Variants in METTL24 observed in about 807,000 individuals in gnomAD.
METTL24 encodes methyltransferase like 24, also known as probable methyltransferase-like protein 24.
Under a neutral mutation model 32.7 loss-of-function variants are expected in METTL24, and 29 were observed. The ratio of observed to expected loss-of-function variants is 0.89; its 90% CI spans 0.66 to 1.21. The LOEUF is 1.21. Among genes scored for constraint, METTL24 ranks in the 50% most tolerant of loss-of-function variants. The pLI is 0.00. For missense variants in METTL24, 439 were observed against 468.1 expected (o/e 0.94, Z 0.57); for synonymous variants, 163 against 179.5 (o/e 0.91, Z 0.73).
At chr6:110,300,696 C>T (rs1003064691) in intron 3 of METTL24, among the ~76,000 whole-genome samples, 1 of 152,146 alleles carries the variant, frequency 6.6e-6, no homozygotes, top group Non-Finnish European at 1.5e-5. Flanking sequence ...ACTGGGATTA[C>T]AGGCATGAGC....
chr6:110,345,873 C>G (rs1385426326), intron 1 of METTL24, among the ~76,000 whole-genome samples: 1 of 152,126 alleles, frequency 6.6e-6, no homozygotes, highest in Non-Finnish European at 1.5e-5. Flanking sequence ...GTACAACAAG[C>G]CCCCATGACA....
intron 1 of METTL24, among the ~76,000 whole-genome samples, chr6:110,345,994 T>C (rs1298026097): frequency 1.3e-5 from 2 of 152,276 alleles, no homozygotes; most frequent in East Asian, 3.9e-4. Context: ...CGATTACAAA[T>C]GTTCATCTGT....
intron 3 of METTL24, among the ~76,000 whole-genome samples, chr6:110,310,605 T>C (rs568752398): frequency 1.5e-4 from 23 of 152,348 alleles, no homozygotes; most frequent in African/African-American, 5.1e-4. Flanking sequence ...CCTATCTTAA[T>C]TGGTCTAGTC....
At chr6:110,334,240 C>T (rs9372250) in intron 1 of METTL24, among the ~76,000 whole-genome samples, 139,512 of 152,244 alleles carry the variant, frequency 0.92, 64,133 homozygotes, top group Non-Finnish European at 0.95. Flanking sequence ...CTCAACTTCA[C>T]TCAAACCAGG....
At position 110,322,809 on chromosome 6, in the gene METTL24, C is replaced by T. The variant is rs554080098; in HGVS notation, c.382G>A (p.Ala128Thr). 1 of 1,613,992 alleles carries T rather than the reference C, an allele frequency of 6.2e-7. No homozygotes were observed. Among genetic ancestry groups the T allele is most frequent in the South Asian group, 1.1e-5 (1 of 91,010 alleles). Residue 128 changes from alanine (A) to threonine (T), a missense_variant, in exon 2 of 5, where the codon GCC becomes ACC. Transcript: ENST00000338882. ...CTGATATATCTCAGGAACCTCCAGG[C>T]TTCTTCATCCAGGGACTGAGCAGAG... ...AGSAQSLDEEAWRFLRYISTT... is the reference protein window; with the variant it reads ...AGSAQSLDEETWRFLRYISTT...
At chr6:110,299,740 G>T (rs563876375) in intron 3 of METTL24, among the ~76,000 whole-genome samples, 1 of 152,248 alleles carries the variant, frequency 6.6e-6, no homozygotes, top group Admixed American at 6.5e-5. Context: ...CACATCAAAA[G>T]GGGAAGAAAT....
chr6:110,265,440 C>A (rs917324073), intron 4 of METTL24, among the ~76,000 whole-genome samples: 1 of 151,962 alleles, frequency 6.6e-6, no homozygotes, highest in African/African-American at 2.4e-5. Context: ...ATTCTTCCTT[C>A]TTCTTCAACA....
At chr6:110,253,957 G>T in intron 4 of METTL24, 1 of 1,441,690 alleles carries the variant, frequency 6.9e-7, no homozygotes, top group Non-Finnish European at 9.2e-7. Flanking sequence ...GATGGCAAGT[G>T]GGTGAAGGTC....
In METTL24 at chr6:110,323,800, C is replaced by A. The variant is rs181222439; in HGVS notation, c.319-928G>T. On this transcript the variant is annotated intron_variant, in intron 1 of 4. Transcript: ENST00000338882. Reference sequence around the variant, plus strand: ...CAGCTGGCGGGGTCAATGTCTAGTGCCAGGAAAGGCTTTGGGCGTCATAGC... The same window carrying A: ...CAGCTGGCGGGGTCAATGTCTAGTGACAGGAAAGGCTTTGGGCGTCATAGC... 1.6e-4 allele frequency among the ~76,000 whole-genome samples: 24 copies of A among 152,114 alleles called. No homozygotes were observed. The East Asian group carries it at 4.6e-3, about 29-fold the overall frequency.
intron 1 of METTL24, among the ~76,000 whole-genome samples, chr6:110,336,738 C>CAAAAA (rs57378153): frequency 7.6e-6 from 1 of 131,404 alleles, no homozygotes; most frequent in East Asian, 2.4e-4. Context: ...GACTCCGCCT[C>CAAAAA]AAAAAAAAAA....
At chr6:110,344,319 G>C (rs1042799247) in intron 1 of METTL24, among the ~76,000 whole-genome samples, 1 of 152,070 alleles carries the variant, frequency 6.6e-6, no homozygotes, top group Non-Finnish European at 1.5e-5. Context: ...GAGTCTCCTG[G>C]ACATGACTGG....
chr6:110,264,214 T>A (rs1453317036), intron 4 of METTL24, among the ~76,000 whole-genome samples: 8 of 151,892 alleles, frequency 5.3e-5, no homozygotes, highest in African/African-American at 1.9e-4. Context: ...ATTTTTGCAA[T>A]CTACTCATCT....
intron 4 of METTL24, among the ~76,000 whole-genome samples, chr6:110,254,774 A>G (rs1280590028): frequency 6.6e-6 from 1 of 152,246 alleles, no homozygotes; most frequent in African/African-American, 2.4e-5. Context: ...AAATAATTAC[A>G]TCAATACAAC....
At chr6:110,248,172 C>T (rs76419132) in intron 4 of METTL24, among the ~76,000 whole-genome samples, 3,282 of 152,250 alleles carry the variant, frequency 0.022, 128 homozygotes, top group African/African-American at 0.075. Context: ...GGAGCAGATA[C>T]CGGCACCATG....
chr6:110,257,065 A>T (rs1778398674), intron 4 of METTL24, among the ~76,000 whole-genome samples: 1 of 152,228 alleles, frequency 6.6e-6, no homozygotes, highest in South Asian at 2.1e-4. Flanking sequence ...GATCTAAAGC[A>T]GGGGCAATAA....
chr6:110,275,172 A>G (rs763993975), intron 4 of METTL24, among the ~76,000 whole-genome samples: 28 of 151,684 alleles, frequency 1.8e-4, no homozygotes, highest in Non-Finnish European at 2.2e-4. Context: ...CACCTTCCAC[A>G]ATGTTTCCAG....
At chr6:110,309,464 G>A (rs988524784) in intron 3 of METTL24, among the ~76,000 whole-genome samples, 4 of 152,126 alleles carry the variant, frequency 2.6e-5, no homozygotes, top group Admixed American at 6.5e-5. Flanking sequence ...CAACAGGGAC[G>A]ATGTATTAGT....
At chr6:110,260,361 A>G (rs1411060930) in intron 4 of METTL24, among the ~76,000 whole-genome samples, 1 of 152,258 alleles carries the variant, frequency 6.6e-6, no homozygotes, top group African/African-American at 2.4e-5. Context: ...AAGAAAGGTT[A>G]TCAGTGATGG....
chr6:110,306,324 A>C (rs1287492512), intron 3 of METTL24, among the ~76,000 whole-genome samples: 1 of 151,388 alleles, frequency 6.6e-6, no homozygotes, highest in Non-Finnish European at 1.5e-5. Context: ...TAAATAAATA[A>C]ATATTATTTA....
Sources: gnomAD v4.1 joint callset for allele counts (sites outside exome capture counted in the v4.1 genomes callset) on GRCh38, gnomAD v4.1.1 for gene constraint, MANE v1.5 for transcripts, NCBI Gene and HGNC (gene_info 2026-07-23, HGNC 2026-07-21) for gene names.